The following BBS1 variants were observed in gnomAD, a reference collection of about 807,000 sequenced individuals.
BBS1 encodes BBSome complex member BBS1.
Under a neutral mutation model 73.9 loss-of-function variants are expected in BBS1, and 60 were observed. The ratio of observed to expected loss-of-function variants is 0.81; its 90% CI spans 0.66 to 1.01. The LOEUF is 1.01. Among genes scored for constraint, BBS1 ranks in the 50% least tolerant of loss-of-function variants. BBS1 has a pLI of 0.00. For synonymous variants in BBS1, 283 were observed against 317.4 expected (o/e 0.89, Z 1.15); for missense variants, 718 against 770.3 (o/e 0.93, Z 0.80).
In BBS1 at chr11:66,523,814, G is replaced by A. The variant is rs1049027938; in HGVS notation, c.1042G>A (p.Ala348Thr). 1 of 1,613,616 alleles carries A rather than the reference G, an allele frequency of 6.2e-7. No individual in the cohort carries two copies. Among genetic ancestry groups the A allele is most frequent in the Non-Finnish European group, 8.5e-7 (1 of 1,180,032 alleles). ...QHSRGLQAVM[A>T]GLANGEVRIY... ...TTCCCGGGGCCTGCAGGCCGTCATG[G>A]CTGGGCTGGCCAATGGAGAGGTCCG... The change falls in exon 11 of 17, where the codon GCT (alanine) becomes ACT (threonine). Residue 348 changes from alanine to threonine, a missense_variant. By Grantham distance (58) the Ala-to-Thr change is moderately conservative. Transcript: ENST00000318312.
chr11:66,522,219 AAAAAAGAAAAGG>A (rs1313221538), intron 9 of BBS1, among the ~76,000 whole-genome samples: 1 of 152,118 alleles, frequency 6.6e-6, no homozygotes, highest in Non-Finnish European at 1.5e-5. Flanking sequence ...CTGTCTCAAA[AAAAAAGAAAAGG>A]AAACAGATGG....
chr11:66,515,469 T>C (rs1856028870), intron 4 of BBS1, 71 bp from the exon 5 acceptor site: 2 of 1,519,648 alleles, frequency 1.3e-6, no homozygotes, highest in Admixed American at 1.7e-5. Flanking sequence ...AGTGTGGAGC[T>C]GTCTGGGGGT....
At chr11:66,515,293 A>G (rs1323699293) in intron 4 of BBS1, among the ~76,000 whole-genome samples, 1 of 152,142 alleles carries the variant, frequency 6.6e-6, no homozygotes, top group African/African-American at 2.4e-5. Flanking sequence ...GTCAGAGAAG[A>G]AGGAGGACTG....
chr11:66,529,972 C>G lies in BBS1; in HGVS notation c.1473+20C>G. On this transcript the variant is annotated intron_variant, in intron 14 of 16. Transcript: ENST00000318312. ...GCCGTGGTGAGCATCTGGGTGAGGG[C>G]AGAGTCAGGGCCAGAGGGGCAGAGG... 6.3e-7 allele frequency: 1 copy of G among 1,593,056 alleles called. No homozygotes were observed. Among genetic ancestry groups the G allele is most frequent in the Non-Finnish European group, 8.5e-7 (1 of 1,175,776 alleles).
In BBS1 at chr11:66,521,321, G is replaced by T. The variant is rs748471738; in HGVS notation, c.775G>T (p.Val259Phe). The change falls in exon 9 of 17, where the codon GTT (valine) becomes TTT (phenylalanine). Residue 259 changes from valine (V) to phenylalanine (F), a missense_variant. Coordinates refer to ENST00000318312, the MANE Select transcript of BBS1 (RefSeq NM_024649.5). Reference protein sequence around the residue: ...VFLEVSGQFDVEFRLAAACRN... With the variant: ...VFLEVSGQFDFEFRLAAACRN... ...CCTAGAGGTTTCTGGCCAGTTTGAT[G>T]TTGAGTTCCGGCTTGCCGCGGCCTG... 1 of 1,614,240 alleles carries T rather than the reference G, an allele frequency of 6.2e-7. No individual in the cohort carries two copies. The highest frequency in any genetic ancestry group is 1.7e-5 in the Admixed American group (1 of 60,026).
At chr11:66,521,431 C>A (rs1856212613) in intron 9 of BBS1, 55 bp downstream of exon 9, 2 of 1,388,868 alleles carry the variant, frequency 1.4e-6, no homozygotes, top group African/African-American at 2.8e-5. Flanking sequence ...AAACTGGTGG[C>A]TTCAGAGGCT....
chr11:66,527,456 G>A (rs1856566530), intron 13 of BBS1: 3 of 234,934 alleles, frequency 1.3e-5, no homozygotes, highest in Non-Finnish European at 1.7e-5. Context: ...AGATCATGAG[G>A]TCAGGAGTTC....
intron 7 of BBS1, among the ~76,000 whole-genome samples, chr11:66,516,546 T>A (rs1856054198): frequency 6.6e-6 from 1 of 151,900 alleles, no homozygotes; most frequent in Non-Finnish European, 1.5e-5. Context: ...TCCTCTTTTT[T>A]AATCTCTTTT....
Position 66,532,008 on chromosome 11 carries a change from C to G in BBS1, c.1753C>G (p.Pro585Ala). ...CCTGCTGAGTGCCCACGTCAACATG[C>G]CTGGGAGCGAGGGGCTGGCGGCCGC... ...APLLSAHVNM[P>A]GSEGLAAA Residue 585 changes from proline (P) to alanine (A), a missense_variant, in exon 17 of 17, where the codon CCT becomes GCT. Physicochemically the swap from Pro to Ala is conservative, Grantham distance 27. Transcript: ENST00000318312. 1.2e-6 allele frequency: 2 copies of G among 1,607,736 alleles called. No individual in the cohort carries two copies. Among genetic ancestry groups the G allele is most frequent in the Non-Finnish European group, 8.5e-7 (1 of 1,177,800 alleles).
At chr11:66,529,721 C>A in intron 13 of BBS1, 98 bp from the exon 14 acceptor site, 2 of 1,474,532 alleles carry the variant, frequency 1.4e-6, no homozygotes, top group Non-Finnish European at 1.9e-6. Flanking sequence ...CCTCCTCTTG[C>A]ACCCTCCCCA....
chr11:66,524,610 A>G (rs1358720729), intron 11 of BBS1, among the ~76,000 whole-genome samples: 1 of 152,190 alleles, frequency 6.6e-6, no homozygotes. Context: ...AGAGAATAGC[A>G]TGCACAAAGC....
chr11:66,510,673 C>T lies in BBS1; in HGVS notation c.14C>T (p.Ser5Phe), dbSNP rs755308059. Residue 5 changes from serine (S) to phenylalanine (F), a missense_variant, in exon 1 of 17, where the codon TCC becomes TTC. Ser to Phe is a radical substitution (Grantham distance 155). Coordinates refer to ENST00000318312, the MANE Select transcript of BBS1 (RefSeq NM_024649.5). The part of the protein sequence containing the change: MAAA[S>F]SSDSDACGAE... ...ACGCCTGCGAAGATGGCCGCTGCGT[C>T]CTCATCGGATTCCGACGCCTGCGGA... 6.2e-6 allele frequency: 10 copies of T among 1,614,064 alleles called. No homozygotes were observed. In the Admixed American group the frequency reaches 1.0e-4, roughly 16 times the overall value.
chr11:66,530,264 G>A (rs1856715813), intron 14 of BBS1, among the ~76,000 whole-genome samples: 1 of 152,162 alleles, frequency 6.6e-6, no homozygotes, highest in African/African-American at 2.4e-5. Flanking sequence ...GATCCTTACA[G>A]CTATGGTACA....
chr11:66,521,549 G>A (rs976660448), intron 9 of BBS1, 173 bp downstream of exon 9: 3 of 667,992 alleles, frequency 4.5e-6, no homozygotes, highest in Non-Finnish European at 8.1e-6. Context: ...CTGGAGGCTT[G>A]TGAGATAGGG....
chr11:66,522,652 G>A (rs1856295080), intron 9 of BBS1, among the ~76,000 whole-genome samples: 1 of 152,074 alleles, frequency 6.6e-6, no homozygotes, highest in Non-Finnish European at 1.5e-5. Context: ...GGCCTAACAT[G>A]CATTTTTTTA....
chr11:66,522,649 C>T (rs1856294523), intron 9 of BBS1, among the ~76,000 whole-genome samples: 1 of 152,184 alleles, frequency 6.6e-6, no homozygotes, highest in Non-Finnish European at 1.5e-5. Context: ...CCCGGCCTAA[C>T]ATGCATTTTT....
At chr11:66,522,206 ACT>A (rs953700667) in intron 9 of BBS1, among the ~76,000 whole-genome samples, 8 of 151,588 alleles carry the variant, frequency 5.3e-5, no homozygotes, top group African/African-American at 1.7e-4. Flanking sequence ...ACAGAGCGAG[ACT>A]CTGTCTCAAA....
intron 3 of BBS1, among the ~76,000 whole-genome samples, chr11:66,512,844 C>T (rs1184316479): frequency 2.0e-5 from 3 of 151,924 alleles, no homozygotes; most frequent in African/African-American, 2.4e-5. Context: ...TGGTGGCAGG[C>T]GCCTGTAATC....
intron 8 of BBS1, chr11:66,520,193 G>A (rs554875225): frequency 5.4e-6 from 1 of 184,930 alleles, no homozygotes; most frequent in Non-Finnish European, 1.2e-5. Context: ...AATAAAAGCA[G>A]GAGGATCATG....
Sources: allele counts gnomAD v4.1 joint callset (sites outside exome capture counted in the v4.1 genomes callset), GRCh38; gene constraint gnomAD v4.1.1; transcripts MANE v1.5; gene names NCBI Gene and HGNC (gene_info 2026-07-23, HGNC 2026-07-21).